Variants in SMOC2 observed in about 807,000 individuals in gnomAD.
The protein encoded by SMOC2 is SPARC related modular calcium binding 2.
In SMOC2, 39 loss-of-function variants were observed where a neutral mutation model predicts 61.4. The observed-to-expected ratio is 0.64, with a 90% CI of 0.49 to 0.83. SMOC2 has a LOEUF of 0.83. SMOC2 is among the 40% of genes least tolerant of loss of function. The pLI is 0.00. For synonymous variants in SMOC2, 247 were observed against 239.9 expected (o/e 1.03, Z -0.27); for missense variants, 556 against 592.9 (o/e 0.94, Z 0.65).
intron 1 of SMOC2, among the ~76,000 whole-genome samples, chr6:168,503,868 G>C (rs959342761): frequency 1.3e-5 from 2 of 152,170 alleles, no homozygotes; most frequent in Non-Finnish European, 2.9e-5. Context: ...GTGAGATCCT[G>C]TGCAGAGTTG....
intron 7 of SMOC2, among the ~76,000 whole-genome samples, chr6:168,586,167 GT>G (rs1372205035): frequency 1.3e-5 from 2 of 152,072 alleles, no homozygotes; most frequent in Non-Finnish European, 2.9e-5. Flanking sequence ...ATTTGTGTGT[GT>G]GGTGAGTTAG....
intron 4 of SMOC2, among the ~76,000 whole-genome samples, chr6:168,529,049 T>C (rs1480303376): frequency 6.6e-6 from 1 of 152,162 alleles, no homozygotes; most frequent in Non-Finnish European, 1.5e-5. Flanking sequence ...AATTAAGGAG[T>C]GTCCCAAAGA....
At chr6:168,599,390 A>T (rs1274476434) in intron 8 of SMOC2, among the ~76,000 whole-genome samples, 8 of 102,628 alleles carry the variant, frequency 7.8e-5, no homozygotes, top group Non-Finnish European at 1.7e-4. Context: ...ACCCACACTC[A>T]CACACACACT....
intron 9 of SMOC2, among the ~76,000 whole-genome samples, chr6:168,637,317 G>A (rs1401491304): frequency 6.6e-6 from 1 of 152,170 alleles, no homozygotes; most frequent in Non-Finnish European, 1.5e-5. Context: ...GAGCAGGACT[G>A]TGTTTGTGGG....
At chr6:168,648,715 C>G (rs879145) in intron 9 of SMOC2, among the ~76,000 whole-genome samples, 25,503 of 152,204 alleles carry the variant, frequency 0.17, 2,321 homozygotes, top group African/African-American at 0.24. Context: ...CCTTTTTGCA[C>G]TCTCAGAACC....
chr6:168,517,091 C>T (rs1176826998), intron 2 of SMOC2, among the ~76,000 whole-genome samples: 1 of 152,232 alleles, frequency 6.6e-6, no homozygotes, highest in Non-Finnish European at 1.5e-5. Flanking sequence ...GTTTTGGGGC[C>T]GCTCATCCAA....
intron 1 of SMOC2, among the ~76,000 whole-genome samples, chr6:168,460,751 A>G (rs1048150499): frequency 2.0e-5 from 3 of 152,238 alleles, no homozygotes; most frequent in East Asian, 1.9e-4. Context: ...CCCTCAAAGT[A>G]TCTTACATCC....
At chr6:168,617,811 C>T (rs943080546) in intron 9 of SMOC2, among the ~76,000 whole-genome samples, 1 of 152,242 alleles carries the variant, frequency 6.6e-6, no homozygotes, top group Non-Finnish European at 1.5e-5. Flanking sequence ...GGCCTTACCC[C>T]AGTGCATTTT....
At chr6:168,555,312 C>G (rs1160590495) in intron 7 of SMOC2, among the ~76,000 whole-genome samples, 1 of 152,258 alleles carries the variant, frequency 6.6e-6, no homozygotes, top group Non-Finnish European at 1.5e-5. Flanking sequence ...ACTCTTGTCT[C>G]CACCCGTCAA....
At chr6:168,659,790 G>GATTGTTGGCTGGA (rs1787452456) in intron 11 of SMOC2, among the ~76,000 whole-genome samples, 1 of 150,600 alleles carries the variant, frequency 6.6e-6, no homozygotes, top group African/African-American at 2.4e-5. Flanking sequence ...TATAGGCTGA[G>GATTGTTGGCTGGA]TGAGGGTGGA....
intron 3 of SMOC2, among the ~76,000 whole-genome samples, chr6:168,527,164 T>A (rs2207977): frequency 1.3e-5 from 2 of 151,816 alleles, no homozygotes; most frequent in African/African-American, 2.4e-5. Context: ...AGGGAGAGAA[T>A]GAGAGAGAGA....
intron 7 of SMOC2, among the ~76,000 whole-genome samples, chr6:168,570,844 C>T (rs138992439): frequency 2.0e-5 from 3 of 152,254 alleles, no homozygotes; most frequent in African/African-American, 7.2e-5. Flanking sequence ...TAATCCTTTC[C>T]TGCACTGATT....
chr6:168,549,285 G>T (rs1784077669), intron 7 of SMOC2, 82 bp downstream of exon 7: 1 of 1,300,004 alleles, frequency 7.7e-7, no homozygotes, highest in Non-Finnish European at 1.1e-6. Context: ...GGAGTTAAGT[G>T]TATTGTACAG....
At chr6:168,641,491 T>C (rs1786889545) in intron 9 of SMOC2, among the ~76,000 whole-genome samples, 1 of 152,222 alleles carries the variant, frequency 6.6e-6, no homozygotes, top group Non-Finnish European at 1.5e-5. Flanking sequence ...AACGTTGTCC[T>C]TGAGAAATGT....
intron 7 of SMOC2, among the ~76,000 whole-genome samples, chr6:168,584,156 A>G (rs1036834787): frequency 3.9e-5 from 6 of 152,192 alleles, no homozygotes; most frequent in African/African-American, 9.7e-5. Flanking sequence ...TTCACCCAGG[A>G]AGCTGAGATG....
intron 8 of SMOC2, among the ~76,000 whole-genome samples, chr6:168,604,972 C>T (rs949658355): frequency 1.3e-5 from 2 of 152,038 alleles, no homozygotes; most frequent in African/African-American, 2.4e-5. Context: ...TTGCAGATCC[C>T]GGAAGGAGGG....
In SMOC2 at chr6:168,666,546, T is replaced by A; in HGVS notation, c.*108T>A. 8.4e-7 allele frequency: 1 copy of A among 1,186,610 alleles called. No individual in the cohort carries two copies. The highest frequency in any genetic ancestry group is 1.2e-6 in the Non-Finnish European group (1 of 805,814). 73.5% of individuals were successfully genotyped at this position (1,186,610 alleles called of 1,614,324 possible). A position where few individuals can be genotyped will look rare whatever the true frequency, so the allele number is the denominator to read the frequency against. On this transcript the variant is annotated 3_prime_UTR_variant, in exon 13 of 13. Transcript: ENST00000356284. ...CACATAGTATTTGCACTTTGTACTT[T>A]AAATGTAAATTCACTTTGTAGAAAT...
chr6:168,463,045 C>T (rs376734956), intron 1 of SMOC2, among the ~76,000 whole-genome samples: 18 of 152,308 alleles, frequency 1.2e-4, no homozygotes, highest in African/African-American at 3.8e-4. Context: ...AATCAAAAAG[C>T]GGTCCCATTC....
At chr6:168,457,741 C>T (rs1392065668) in intron 1 of SMOC2, among the ~76,000 whole-genome samples, 2 of 152,066 alleles carry the variant, frequency 1.3e-5, no homozygotes, top group Admixed American at 6.5e-5. Flanking sequence ...ATCAACCTGA[C>T]CCTGCTGAGC....
Sources: allele counts gnomAD v4.1 joint callset (sites outside exome capture counted in the v4.1 genomes callset), GRCh38; gene constraint gnomAD v4.1.1; transcripts MANE v1.5; gene names NCBI Gene and HGNC (gene_info 2026-07-23, HGNC 2026-07-21).